IL1RAPL1: variants seen among roughly 807,000 people sequenced by gnomAD.
The protein encoded by IL1RAPL1 is interleukin 1 receptor accessory protein like 1.
IL1RAPL1 carries 3 observed loss-of-function variants against 48.4 expected under a neutral mutation model. That is an observed-to-expected ratio of 0.06 (90% CI 0.03 to 0.16). IL1RAPL1 has a LOEUF of 0.16. Ranked by LOEUF, IL1RAPL1 falls within the 10% of genes least tolerant of loss-of-function variation. The probability of loss-of-function intolerance (pLI) is 1.00; values close to 1 mark genes in which losing one functional copy is unlikely to be tolerated. For missense variants in IL1RAPL1, 349 were observed against 530.6 expected, an observed-to-expected ratio of 0.66 and a Z score of 3.36; for synonymous variants, 185 against 187.7, an observed-to-expected ratio of 0.99 and a Z score of 0.12.
chrX:29,021,215 G>GAAAAAAAAAAAAAAAA (rs746008500), intron 2 of IL1RAPL1, among the ~76,000 whole-genome samples: 2 of 41,957 alleles, frequency 4.8e-5, no homozygotes, highest in African/African-American at 9.9e-5. Flanking sequence ...CCGTCTCAAG[G>GAAAAAAAAAAAAAAAA]AAAAAAAAAA....
intron 2 of IL1RAPL1, among the ~76,000 whole-genome samples, chrX:28,915,045 G>T (rs2147334107): frequency 9.0e-6 from 1 of 111,638 alleles, no homozygotes; most frequent in East Asian, 2.8e-4. Context: ...AGGGGCAATG[G>T]TTTGGGGTTG....
intron 2 of IL1RAPL1, among the ~76,000 whole-genome samples, chrX:29,213,664 C>T (rs1930813708): frequency 8.9e-6 from 1 of 112,798 alleles, no homozygotes; most frequent in African/African-American, 3.2e-5. Flanking sequence ...TCTGTGCATG[C>T]CTTGGGGCAT....
intron 3 of IL1RAPL1, among the ~76,000 whole-genome samples, chrX:29,335,004 G>C (rs1402738409): frequency 8.9e-6 from 1 of 112,245 alleles, no homozygotes; most frequent in Non-Finnish European, 1.9e-5. Flanking sequence ...CTGAGTGAAC[G>C]AGACTCCGTC....
intron 2 of IL1RAPL1, among the ~76,000 whole-genome samples, chrX:29,045,403 A>G (rs916373508): frequency 1.8e-5 from 2 of 112,208 alleles, no homozygotes; most frequent in African/African-American, 6.5e-5. Context: ...CAGAGCATGC[A>G]ATTGCCAAGT....
At chrX:29,914,202 C>A (rs1932780568) in intron 6 of IL1RAPL1, among the ~76,000 whole-genome samples, 1 of 111,988 alleles carries the variant, frequency 8.9e-6, no homozygotes, top group Non-Finnish European at 1.9e-5. Context: ...TTGCTTCTTA[C>A]ATGGGTGCAG....
intron 2 of IL1RAPL1, among the ~76,000 whole-genome samples, chrX:28,861,363 G>A (rs1013788994): frequency 4.5e-5 from 5 of 111,957 alleles, no homozygotes; most frequent in African/African-American, 1.6e-4. Flanking sequence ...GTAGTTACAA[G>A]GCAGCATGTT....
intron 6 of IL1RAPL1, among the ~76,000 whole-genome samples, chrX:29,803,180 T>C (rs149831681): frequency 0.058 from 3,970 of 68,099 alleles, 237 homozygotes; most frequent in Middle Eastern, 0.15. Context: ...TGCATACATA[T>C]ATGTATATAT....
chrX:29,738,479 C>G (rs1928109856), intron 6 of IL1RAPL1, among the ~76,000 whole-genome samples: 1 of 86,650 alleles, frequency 1.2e-5, no homozygotes, highest in Admixed American at 1.5e-4. Context: ...GATTCAGGGT[C>G]TCACTCTGTC....
intron 5 of IL1RAPL1, among the ~76,000 whole-genome samples, chrX:29,403,146 A>G (rs762488847): frequency 8.9e-6 from 1 of 112,664 alleles, no homozygotes; most frequent in East Asian, 2.8e-4. Flanking sequence ...ATTCTGCTAC[A>G]TGAGATATAT....
intron 6 of IL1RAPL1, among the ~76,000 whole-genome samples, chrX:29,903,193 A>T (rs1932531789): frequency 1.8e-5 from 2 of 109,023 alleles, no homozygotes; most frequent in South Asian, 7.8e-4. Context: ...TGAGAGAGAG[A>T]GAGAGAGAGA....
intron 6 of IL1RAPL1, among the ~76,000 whole-genome samples, chrX:29,872,941 C>T (rs958700204): frequency 8.9e-6 from 1 of 112,099 alleles, no homozygotes; most frequent in Non-Finnish European, 1.9e-5. Flanking sequence ...AGCAGCGTCT[C>T]GACTTGTTTC....
At chrX:29,163,827 G>A (rs1024524719) in intron 2 of IL1RAPL1, among the ~76,000 whole-genome samples, 1 of 111,658 alleles carries the variant, frequency 9.0e-6, no homozygotes, top group East Asian at 2.8e-4. Context: ...GATATTTTCA[G>A]CTAACCACCA....
intron 1 of IL1RAPL1, among the ~76,000 whole-genome samples, chrX:28,750,938 G>A (rs1337546268): frequency 8.9e-6 from 1 of 111,862 alleles, no homozygotes; most frequent in Non-Finnish European, 1.9e-5. Context: ...TGAGCACAAT[G>A]TCTTAGCACT....
At chrX:28,815,851 AT>A in intron 2 of IL1RAPL1, among the ~76,000 whole-genome samples, 1 of 59,289 alleles carries the variant, frequency 1.7e-5, no homozygotes, top group East Asian at 6.8e-4. Flanking sequence ...ATATATATAT[AT>A]ATATATATAT....
chrX:29,551,375 A>G (rs996974879), intron 5 of IL1RAPL1, among the ~76,000 whole-genome samples: 4 of 112,119 alleles, frequency 3.6e-5, no homozygotes, highest in African/African-American at 1.3e-4. Context: ...AGTATAGAAT[A>G]TGATTTAAAA....
chrX:28,592,424 T>C (rs1383712563), intron 1 of IL1RAPL1, among the ~76,000 whole-genome samples: 1 of 111,494 alleles, frequency 9.0e-6, no homozygotes, highest in Non-Finnish European at 1.9e-5. Context: ...CCAAGTGTAA[T>C]AGAGAAAATG....
chrX:29,785,127 A>C (rs141951207), intron 6 of IL1RAPL1, among the ~76,000 whole-genome samples: 2,185 of 112,205 alleles, frequency 0.019, 53 homozygotes, highest in African/African-American at 0.068. Context: ...ATATGCTGCT[A>C]CTTGAGAGTT....
intron 2 of IL1RAPL1, among the ~76,000 whole-genome samples, chrX:29,075,065 G>C (rs927597248): frequency 9.0e-6 from 1 of 111,730 alleles, no homozygotes; most frequent in African/African-American, 3.2e-5. Context: ...AAAAACTGAA[G>C]GATTTGGATA....
intron 5 of IL1RAPL1, among the ~76,000 whole-genome samples, chrX:29,425,836 A>C (rs903996437): frequency 9.0e-6 from 1 of 110,498 alleles, no homozygotes; most frequent in Non-Finnish European, 1.9e-5. Context: ...CAGCCTCCCA[A>C]AGTACTGGGA....
Sources: allele counts gnomAD v4.1 joint callset (sites outside exome capture counted in the v4.1 genomes callset), GRCh38; gene constraint gnomAD v4.1.1; transcripts MANE v1.5; gene names NCBI Gene and HGNC (gene_info 2026-07-23, HGNC 2026-07-21).